The following CCBE1 variants were observed in gnomAD, a reference collection of about 807,000 sequenced individuals.
The protein encoded by CCBE1 is collagen and calcium-binding EGF domain-containing protein 1.
In CCBE1, 37 loss-of-function variants were observed where a neutral mutation model predicts 50.0. The ratio of observed to expected loss-of-function variants is 0.74; its 90% confidence interval spans 0.57 to 0.97. CCBE1 has a LOEUF of 0.97. Ranked by LOEUF, CCBE1 falls within the 50% of genes least tolerant of loss-of-function variation. The pLI, the probability that CCBE1 is intolerant of heterozygous loss-of-function variation, is 0.00. For missense variants in CCBE1, 538 were observed against 523.8 expected (o/e 1.03, Z -0.26); for synonymous variants, 234 against 203.7 (o/e 1.15, Z -1.27).
chr18:59,643,486 G>A (rs1568250021), intron 2 of CCBE1, among the ~76,000 whole-genome samples: 1 of 152,114 alleles, frequency 6.6e-6, no homozygotes. Context: ...GTGGTTTAGG[G>A]AAATGCTTCT....
chr18:59,632,780 TA>T (rs2053866423), intron 2 of CCBE1, among the ~76,000 whole-genome samples: 1 of 151,758 alleles, frequency 6.6e-6, no homozygotes, highest in Non-Finnish European at 1.5e-5. Flanking sequence ...TGTTTTATTT[TA>T]TTTTTTTAAT....
At chr18:59,558,450 G>T (rs1195906698) in intron 2 of CCBE1, among the ~76,000 whole-genome samples, 2 of 152,220 alleles carry the variant, frequency 1.3e-5, no homozygotes, top group Non-Finnish European at 2.9e-5. Context: ...GGAATAGGCT[G>T]AGGCAGATGT....
intron 2 of CCBE1, among the ~76,000 whole-genome samples, chr18:59,532,267 A>T (rs1480299019): frequency 6.6e-6 from 1 of 152,078 alleles, no homozygotes; most frequent in Non-Finnish European, 1.5e-5. Context: ...GCTGATCTCG[A>T]ACTTCTAACT....
intron 2 of CCBE1, among the ~76,000 whole-genome samples, chr18:59,505,455 A>C (rs1372736694): frequency 6.6e-6 from 1 of 152,252 alleles, no homozygotes; most frequent in Admixed American, 6.5e-5. Flanking sequence ...CCATTCTGTC[A>C]TAATCAACCC....
At chr18:59,573,284 A>AATACATAT (rs1555694206) in intron 2 of CCBE1, among the ~76,000 whole-genome samples, 1 of 93,726 alleles carries the variant, frequency 1.1e-5, no homozygotes, top group South Asian at 3.7e-4. Context: ...GACTCCGTCT[A>AATACATAT]ATATATATAT....
At chr18:59,482,707 T>C (rs1379235371) in intron 2 of CCBE1, among the ~76,000 whole-genome samples, 1 of 152,122 alleles carries the variant, frequency 6.6e-6, no homozygotes, top group African/African-American at 2.4e-5. Context: ...CTGGCATTTC[T>C]GCTGGAGCTA....
rs993816024 is a variant in CCBE1, at chr18:59,517,714, T to C, written c.213-37476A>G. 2.6e-5 allele frequency among the ~76,000 whole-genome samples: 4 copies of C among 152,174 alleles called. No individual in the cohort carries two copies. The South Asian group carries it at 6.2e-4, about 24-fold the overall frequency. ...ACTTAAAACCAGATGCCACTAGCAGTGAGGACACAAAGCAGCAAGTTTTCA... is the reference window on the plus strand; with the variant it reads ...ACTTAAAACCAGATGCCACTAGCAGCGAGGACACAAAGCAGCAAGTTTTCA... On this transcript the variant is annotated intron_variant, in intron 2 of 10. Coordinates refer to ENST00000439986, the MANE Select transcript of CCBE1 (RefSeq NM_133459.4).
intron 5 of CCBE1, among the ~76,000 whole-genome samples, chr18:59,458,591 G>A (rs1207781232): frequency 6.6e-6 from 1 of 152,226 alleles, no homozygotes; most frequent in Non-Finnish European, 1.5e-5. Context: ...GTAGATGACA[G>A]TGAGATCCAG....
chr18:59,642,693 T>G (rs1413065380), intron 2 of CCBE1, among the ~76,000 whole-genome samples: 3 of 152,174 alleles, frequency 2.0e-5, no homozygotes, highest in Non-Finnish European at 4.4e-5. Flanking sequence ...CTCACGCCTG[T>G]AATCCCAGCA....
At chr18:59,520,211 A>G (rs922015003) in intron 2 of CCBE1, among the ~76,000 whole-genome samples, 2 of 152,198 alleles carry the variant, frequency 1.3e-5, no homozygotes, top group East Asian at 3.8e-4. Flanking sequence ...TTCTGTGAAG[A>G]AAGTCAATGG....
intron 2 of CCBE1, among the ~76,000 whole-genome samples, chr18:59,510,186 T>C (rs1359975293): frequency 6.6e-6 from 1 of 152,192 alleles, no homozygotes; most frequent in Non-Finnish European, 1.5e-5. Context: ...TGCAAGTCCA[T>C]TGATCCTTGC....
At chr18:59,625,028 A>T (rs2053761137) in intron 2 of CCBE1, among the ~76,000 whole-genome samples, 1 of 152,270 alleles carries the variant, frequency 6.6e-6, no homozygotes, top group African/African-American at 2.4e-5. Context: ...TGGCTTTAAA[A>T]GCTTCTCAGG....
At chr18:59,538,696 C>G (rs1212077377) in intron 2 of CCBE1, among the ~76,000 whole-genome samples, 1 of 152,168 alleles carries the variant, frequency 6.6e-6, no homozygotes, top group Non-Finnish European at 1.5e-5. Flanking sequence ...CATTTATAGG[C>G]AACTTCTTAA....
intron 2 of CCBE1, among the ~76,000 whole-genome samples, chr18:59,661,296 T>C (rs1050704154): frequency 1.3e-5 from 2 of 152,212 alleles, no homozygotes; most frequent in African/African-American, 4.8e-5. Flanking sequence ...GGGACACTGT[T>C]CACATGCATT....
intron 2 of CCBE1, among the ~76,000 whole-genome samples, chr18:59,583,666 TGTGTGTGTGTGTGTGCGC>T (rs1424215287): frequency 2.2e-5 from 2 of 91,246 alleles, no homozygotes; most frequent in East Asian, 1.9e-3. Flanking sequence ...TGTGTGTGTG[TGTGTGTGTGTGTGTGCGC>T]GCGCGCGCGC....
chr18:59,644,852 CAAAT>C (rs772864658), intron 2 of CCBE1, among the ~76,000 whole-genome samples: 7 of 152,162 alleles, frequency 4.6e-5, no homozygotes, highest in African/African-American at 9.7e-5. Flanking sequence ...AATTGAATCT[CAAAT>C]AAAAGATTTT....
Position 59,434,332 on chromosome 18 carries a change from C to G in CCBE1, c.*1576G>C, listed in dbSNP as rs1232562431. On this transcript the variant is annotated 3_prime_UTR_variant, in exon 11 of 11. Coordinates refer to ENST00000439986, the MANE Select transcript of CCBE1 (RefSeq NM_133459.4). ...ACATGAGCTAATATGAGTGTGAGAA[C>G]GATCATTTGCAGGAGAGTGAAAATC... The G allele has an allele frequency of 1.3e-5, 2 of 152,114 alleles. No homozygotes were observed. The highest frequency in any genetic ancestry group is 2.9e-5 in the Non-Finnish European group (2 of 68,022). The allele number at this position is 152,114 out of a possible 1,614,324, so 9.4% of individuals were successfully genotyped here.
intron 2 of CCBE1, among the ~76,000 whole-genome samples, chr18:59,641,199 T>A (rs1330265188): frequency 6.6e-6 from 1 of 150,954 alleles, no homozygotes; most frequent in East Asian, 2.0e-4. Context: ...AGCAAATACA[T>A]GGAATCAACT....
chr18:59,649,078 A>AT (rs1030447042), intron 2 of CCBE1, among the ~76,000 whole-genome samples: 3 of 152,194 alleles, frequency 2.0e-5, no homozygotes, highest in Admixed American at 6.5e-5. Context: ...CATCAAGACT[A>AT]TTTTTTACAA....
Sources: allele counts gnomAD v4.1 joint callset (sites outside exome capture counted in the v4.1 genomes callset), GRCh38; gene constraint gnomAD v4.1.1; transcripts MANE v1.5; gene names NCBI Gene and HGNC (gene_info 2026-07-23, HGNC 2026-07-21).